Variants in CARNMT1 observed in about 807,000 individuals in gnomAD.
The protein encoded by CARNMT1 is carnosine N-methyltransferase 1.
CARNMT1 carries 28 observed loss-of-function variants against 49.6 expected under a neutral mutation model. That is an observed-to-expected ratio of 0.56 (90% CI 0.42 to 0.77). The LOEUF is 0.77. CARNMT1 is among the 30% of genes least tolerant of loss of function. CARNMT1 has a pLI of 0.00. For synonymous variants in CARNMT1, 178 were observed against 175.0 expected (o/e 1.02, Z -0.13); for missense variants, 421 against 512.6 (o/e 0.82, Z 1.73).
chr9:74,996,310 G>A, intron 6 of CARNMT1, 137 bp downstream of exon 6: 1 of 572,098 alleles, frequency 1.7e-6, no homozygotes, highest in Non-Finnish European at 3.1e-6. Context: ...GCAGTCTAAA[G>A]GAAACTGTAG....
At chr9:75,015,796 A>AT (rs1314842331) in intron 3 of CARNMT1, 1 of 147,616 alleles carries the variant, frequency 6.8e-6, no homozygotes, top group East Asian at 1.9e-4. Context: ...AAAAATAAAT[A>AT]AATAAATAAA....
At chr9:74,985,969 A>T (rs1477728149) in intron 6 of CARNMT1, among the ~76,000 whole-genome samples, 2 of 152,212 alleles carry the variant, frequency 1.3e-5, no homozygotes, top group African/African-American at 4.8e-5. Flanking sequence ...TGTTTATATG[A>T]CATCCTCCCT....
intron 1 of CARNMT1, among the ~76,000 whole-genome samples, chr9:75,018,743 G>C (rs556771583): frequency 6.6e-6 from 1 of 152,074 alleles, no homozygotes; most frequent in South Asian, 2.1e-4. Flanking sequence ...CAATGTGGGC[G>C]GATCACTTGA....
chr9:75,006,397 G>A (rs925926382), intron 3 of CARNMT1, among the ~76,000 whole-genome samples: 2 of 152,066 alleles, frequency 1.3e-5, no homozygotes, highest in African/African-American at 4.8e-5. Flanking sequence ...TTCTGACAAA[G>A]CTACGATTTT....
At chr9:75,018,100 C>T (rs1587302741) in intron 1 of CARNMT1, among the ~76,000 whole-genome samples, 1 of 152,048 alleles carries the variant, frequency 6.6e-6, no homozygotes, top group Non-Finnish European at 1.5e-5. Flanking sequence ...TCGCTCTTGT[C>T]GCCCAGGCTG....
chr9:75,000,210 T>C (rs778438185), intron 3 of CARNMT1, among the ~76,000 whole-genome samples: 17 of 152,122 alleles, frequency 1.1e-4, no homozygotes, highest in Non-Finnish European at 2.4e-4. Flanking sequence ...GGGATCCCAA[T>C]TAAATATGAA....
chr9:75,009,945 C>G (rs564245399), intron 3 of CARNMT1: 1 of 151,800 alleles, frequency 6.6e-6, no homozygotes, highest in Non-Finnish European at 1.5e-5. Flanking sequence ...CGTTAAAGCA[C>G]GTAGTGCAAA....
chr9:74,985,905 A>G (rs1832823630), intron 6 of CARNMT1, among the ~76,000 whole-genome samples: 1 of 152,188 alleles, frequency 6.6e-6, no homozygotes, highest in South Asian at 2.1e-4. Context: ...ATGTGAGATA[A>G]TATGTATTAC....
In CARNMT1 at chr9:75,007,080, A is replaced by G. The variant is rs185004981; in HGVS notation, c.591-7210T>C. Among the ~76,000 whole-genome samples, 3 of 152,356 alleles carry G rather than the reference A, an allele frequency of 2.0e-5. No homozygotes were observed. The East Asian group carries it at 5.8e-4, about 29-fold the overall frequency. On this transcript the variant is annotated intron_variant, in intron 3 of 7. Transcript: ENST00000376834. ...TTGGTACATTTCTATTAAAAGCCTT[A>G]TCAATTAAAACCTACAGATATTTTG... is the stretch of plus-strand genomic sequence containing the variant.
chr9:74,989,550 T>G (rs1832954261), intron 6 of CARNMT1, among the ~76,000 whole-genome samples: 1 of 152,204 alleles, frequency 6.6e-6, no homozygotes, highest in Non-Finnish European at 1.5e-5. Context: ...TTTGCCTTTG[T>G]GCCTCCACCC....
At chr9:74,994,230 G>A (rs977629697) in intron 6 of CARNMT1, among the ~76,000 whole-genome samples, 3 of 152,148 alleles carry the variant, frequency 2.0e-5, no homozygotes. Context: ...ACACCAACCT[G>A]GTGAGCACCT....
intron 3 of CARNMT1, among the ~76,000 whole-genome samples, chr9:75,008,988 G>GA (rs1336253942): frequency 1.4e-5 from 2 of 146,850 alleles, no homozygotes; most frequent in Non-Finnish European, 3.0e-5. Context: ...ATAGAGTCCA[G>GA]AAAAAACCCA....
intron 1 of CARNMT1, chr9:75,027,253 G>A (rs1421234829): frequency 1.6e-6 from 1 of 608,212 alleles, no homozygotes; most frequent in Non-Finnish European, 2.1e-6. Flanking sequence ...AAGTTAGGGA[G>A]CTGTTTTTAT....
At chr9:74,986,736 T>C (rs1832854886) in intron 6 of CARNMT1, among the ~76,000 whole-genome samples, 1 of 152,242 alleles carries the variant, frequency 6.6e-6, no homozygotes, top group Non-Finnish European at 1.5e-5. Context: ...CTTCAAAACC[T>C]TGCTGAAATC....
At chr9:75,027,555 G>A (rs1467176419) in intron 1 of CARNMT1, 2 of 776,098 alleles carry the variant, frequency 2.6e-6, no homozygotes, top group South Asian at 1.2e-4. Flanking sequence ...GTAACAGTTT[G>A]GGAAAATACG....
At chr9:75,004,549 T>C (rs1833449503) in intron 3 of CARNMT1, among the ~76,000 whole-genome samples, 1 of 152,220 alleles carries the variant, frequency 6.6e-6, no homozygotes, top group African/African-American at 2.4e-5. Flanking sequence ...AATCTATCTT[T>C]AGTCTCTGAA....
At chr9:75,020,502 G>A (rs1222487394) in intron 1 of CARNMT1, among the ~76,000 whole-genome samples, 2 of 152,018 alleles carry the variant, frequency 1.3e-5, no homozygotes, top group African/African-American at 2.4e-5. Flanking sequence ...TCTTGACCTC[G>A]TGATCTGCCT....
intron 6 of CARNMT1, among the ~76,000 whole-genome samples, chr9:74,986,061 T>C (rs916194537): frequency 2.6e-5 from 4 of 152,208 alleles, no homozygotes; most frequent in African/African-American, 9.7e-5. Flanking sequence ...TCTATCATTT[T>C]GCCCAATCCA....
At position 74,998,735 on chromosome 9, in the gene CARNMT1, T is replaced by C. The variant is rs1833270369; in HGVS notation, c.773A>G (p.His258Arg). 1 of 1,589,980 alleles carries C rather than the reference T, an allele frequency of 6.3e-7. No homozygotes were observed. The highest frequency in any genetic ancestry group is 8.6e-7 in the Non-Finnish European group (1 of 1,167,774). The change falls in exon 5 of 8, where the codon CAT becomes CGT. Residue 258 changes from histidine (H) to arginine (R), a missense_variant. By Grantham distance (29) the His-to-Arg change is conservative (BLOSUM62 0). Coordinates refer to ENST00000376834, the MANE Select transcript of CARNMT1 (RefSeq NM_152420.3). ...TGATCTCCGGTTATTGCTAAACTGA[T>C]GGATCCAAGGATAAAGTTTATATTT... ...INKYKLYPWI[H>R]QFSNNRRSAD...
Sources: allele counts gnomAD v4.1 joint callset (sites outside exome capture counted in the v4.1 genomes callset), GRCh38; gene constraint gnomAD v4.1.1; transcripts MANE v1.5; gene names NCBI Gene and HGNC (gene_info 2026-07-23, HGNC 2026-07-21).